The following NUP93 variants were observed in gnomAD, a reference collection of about 807,000 sequenced individuals.
NUP93 encodes nucleoporin 93.
In NUP93, 55 loss-of-function variants were observed where a neutral mutation model predicts 107.8. The ratio of observed to expected loss-of-function variants is 0.51; its 90% CI spans 0.41 to 0.64. The LOEUF is 0.64. Ranked by LOEUF, NUP93 falls within the 30% of genes least tolerant of loss-of-function variation. The pLI, the probability that NUP93 is intolerant of heterozygous loss-of-function variation, is 0.00. For synonymous variants in NUP93, 390 were observed against 397.5 expected (o/e 0.98, Z 0.22); for missense variants, 937 against 1,044.7 (o/e 0.90, Z 1.42).
At chr16:56,831,131 A>G (rs1383424154) in intron 10 of NUP93, among the ~76,000 whole-genome samples, 1 of 152,248 alleles carries the variant, frequency 6.6e-6, no homozygotes, top group Non-Finnish European at 1.5e-5. Context: ...TTGAAATATA[A>G]TCATTGAATT....
At chr16:56,752,468 T>A (rs1189940846) in intron 2 of NUP93, among the ~76,000 whole-genome samples, 1 of 152,028 alleles carries the variant, frequency 6.6e-6, no homozygotes, top group Non-Finnish European at 1.5e-5. Context: ...AGGTAAAAAA[T>A]GCAGGGTAGA....
At chr16:56,769,424 G>T (rs1402881068) in intron 3 of NUP93, among the ~76,000 whole-genome samples, 1 of 152,190 alleles carries the variant, frequency 6.6e-6, no homozygotes, top group Non-Finnish European at 1.5e-5. Flanking sequence ...GGAGCGTTGG[G>T]AGGTGGTGGT....
At chr16:56,832,166 T>C in intron 11 of NUP93, 129 bp from the exon 12 acceptor site, 1 of 1,218,092 alleles carries the variant, frequency 8.2e-7, no homozygotes, top group Non-Finnish European at 1.2e-6. Flanking sequence ...AATTCCCAGC[T>C]CATAACCATA....
rs1597100485 is a variant in NUP93, at chr16:56,740,342, C to T, written c.-14-7892C>T. ...CCGGGCAGAGACGCTCCTCACCTCC[C>T]AGACGGGGTCTCGGCCGGGCAGAGG... On this transcript the variant is annotated intron_variant, in intron 1 of 21. Coordinates refer to ENST00000308159, the MANE Select transcript of NUP93 (RefSeq NM_014669.5). 7.3e-5 allele frequency among the ~76,000 whole-genome samples: 11 copies of T among 149,782 alleles called. No individual in the cohort carries two copies. In the South Asian group the frequency reaches 2.4e-3, roughly 32 times the overall value.
At chr16:56,742,118 A>T (rs569178956) in intron 1 of NUP93, among the ~76,000 whole-genome samples, 76 of 152,382 alleles carry the variant, frequency 5.0e-4, no homozygotes, top group African/African-American at 1.8e-3. Flanking sequence ...GATTCCCTTT[A>T]GCATCCTGTG....
At chr16:56,733,370 T>C (rs1446865199) in intron 1 of NUP93, among the ~76,000 whole-genome samples, 1 of 152,088 alleles carries the variant, frequency 6.6e-6, no homozygotes, top group Non-Finnish European at 1.5e-5. Context: ...TTAGTCGGCG[T>C]GCAAGTCAGA....
intron 3 of NUP93, among the ~76,000 whole-genome samples, chr16:56,776,771 GCT>G (rs1399910486): frequency 2.0e-5 from 3 of 152,204 alleles, no homozygotes; most frequent in African/African-American, 7.2e-5. Context: ...TGTGCCAAGA[GCT>G]CTCTCTGTAA....
At chr16:56,838,359 C>T (rs1034685788) in intron 18 of NUP93, among the ~76,000 whole-genome samples, 4 of 152,142 alleles carry the variant, frequency 2.6e-5, no homozygotes, top group African/African-American at 9.7e-5. Context: ...GCTTTTTGCC[C>T]ATCACGACCT....
intron 1 of NUP93, chr16:56,740,849 C>T (rs996792434): frequency 2.6e-5 from 5 of 189,156 alleles, no homozygotes; most frequent in Admixed American, 1.2e-4. Flanking sequence ...CACAGCGAAA[C>T]CCCGTCTCCA....
intron 2 of NUP93, 151 bp downstream of exon 2, chr16:56,748,577 A>C: frequency 1.5e-6 from 1 of 663,982 alleles, no homozygotes. Flanking sequence ...ACAGGACAGC[A>C]GCCTTGGTTT....
At chr16:56,735,622 A>G (rs774206486) in intron 1 of NUP93, among the ~76,000 whole-genome samples, 1 of 152,160 alleles carries the variant, frequency 6.6e-6, no homozygotes, top group East Asian at 1.9e-4. Flanking sequence ...AGGCGAGCGG[A>G]TCACTTGAGG....
chr16:56,743,126 A>G (rs1413773155), intron 1 of NUP93, among the ~76,000 whole-genome samples: 1 of 152,246 alleles, frequency 6.6e-6, no homozygotes, highest in Non-Finnish European at 1.5e-5. Flanking sequence ...TAAATATTTA[A>G]CATAGTTATT....
intron 1 of NUP93, chr16:56,741,773 T>C (rs1961744465): frequency 6.6e-6 from 1 of 152,208 alleles, no homozygotes; most frequent in African/African-American, 2.4e-5. Flanking sequence ...ACAACTGTCT[T>C]TTTTAGGTTG....
chr16:56,832,755 G>A (rs574469256), intron 12 of NUP93, among the ~76,000 whole-genome samples: 14 of 152,182 alleles, frequency 9.2e-5, no homozygotes, highest in Non-Finnish European at 1.6e-4. Context: ...CTTTTTTCCC[G>A]TATTTTTTAA....
At chr16:56,750,315 A>G (rs1308231437) in intron 2 of NUP93, among the ~76,000 whole-genome samples, 2 of 152,202 alleles carry the variant, frequency 1.3e-5, no homozygotes, top group Non-Finnish European at 2.9e-5. Context: ...ATAGGCAGAG[A>G]CATAAAGTGT....
At chr16:56,783,741 T>C (rs12930503) in intron 3 of NUP93, 2 of 985,276 alleles carry the variant, frequency 2.0e-6, no homozygotes, top group Non-Finnish European at 2.4e-6. Flanking sequence ...GCCATTTCAT[T>C]TACATTAGGT....
At chr16:56,737,783 A>G (rs1961637083) in intron 1 of NUP93, among the ~76,000 whole-genome samples, 2 of 152,206 alleles carry the variant, frequency 1.3e-5, no homozygotes, top group African/African-American at 4.8e-5. Flanking sequence ...ATAATTCTGT[A>G]AATGCAATGG....
chr16:56,748,340 G>T lies in NUP93; in HGVS notation c.93G>T (p.Arg31=), dbSNP rs778194312. The T allele has an allele frequency of 2.5e-6, 4 of 1,614,066 alleles. No homozygotes were observed. Among genetic ancestry groups the T allele is most frequent in the South Asian group, 1.1e-5 (1 of 91,064 alleles). The change falls in exon 2 of 22, where the codon CGG becomes CGT. Residue 31 remains arginine (R), a synonymous_variant. Transcript: ENST00000308159. ...TCTCAGAGCTTCCCCATGTGGAACG[G>T]AACTTACAGGAGATCCAGCAGGCGG... ...EGISELPHVE[R]NLQEIQQAGE... is the part of the protein sequence containing the mutation.
chr16:56,760,497 G>A (rs1010194690), intron 3 of NUP93, among the ~76,000 whole-genome samples: 6 of 152,148 alleles, frequency 3.9e-5, no homozygotes, highest in Non-Finnish European at 8.8e-5. Context: ...GAGGCCTCAG[G>A]GAGCTTTTAC....
Sources: allele counts gnomAD v4.1 joint callset (sites outside exome capture counted in the v4.1 genomes callset), GRCh38; gene constraint gnomAD v4.1.1; transcripts MANE v1.5; gene names NCBI Gene and HGNC (gene_info 2026-07-23, HGNC 2026-07-21).